The following MEMO1 variants were observed in gnomAD, a reference collection of about 807,000 sequenced individuals.
The protein encoded by MEMO1 is protein MEMO1.
A neutral mutation model predicts 45.2 loss-of-function variants in MEMO1; 6 were observed. That is an observed-to-expected ratio of 0.13 (90% confidence interval 0.07 to 0.26). The LOEUF is 0.26. MEMO1 is among the 10% of genes least tolerant of loss of function. MEMO1 has a pLI of 1.00. For synonymous variants in MEMO1, 78 were observed against 124.3 expected (o/e 0.63, Z 2.48); for missense variants, 184 against 370.5 (o/e 0.50, Z 4.13).
intron 2 of MEMO1, among the ~76,000 whole-genome samples, chr2:31,952,154 G>C (rs371411698): frequency 3.3e-4 from 50 of 152,008 alleles, no homozygotes; most frequent in African/African-American, 1.2e-3. Flanking sequence ...AATAAAAATC[G>C]CACTGTGAAA....
chr2:31,889,028 C>A (rs1482486795), intron 7 of MEMO1, among the ~76,000 whole-genome samples: 3 of 152,038 alleles, frequency 2.0e-5, no homozygotes, highest in Non-Finnish European at 2.9e-5. Context: ...ATAAAGAACA[C>A]TGGCTAACAA....
At position 31,898,162 on chromosome 2, in the gene MEMO1, C is replaced by A. The variant is rs542822320; in HGVS notation, c.438-6028G>T. 2.3e-4 allele frequency among the ~76,000 whole-genome samples: 35 copies of A among 152,032 alleles called. No homozygotes were observed. The Middle Eastern group carries it at 0.014, about 60-fold the overall frequency. ...CTGTTTCGTTAATCTTTTGAAAAAA[C>A]CAGCTCCTGGATTCAATGATTTTTT... On this transcript the variant is annotated intron_variant, in intron 6 of 9. Transcript: ENST00000404530.
chr2:31,888,796 T>C (rs1676535847), intron 7 of MEMO1, among the ~76,000 whole-genome samples: 1 of 152,002 alleles, frequency 6.6e-6, no homozygotes, highest in Admixed American at 6.6e-5. Flanking sequence ...AGGGTTTCTT[T>C]TTGGGGAACT....
chr2:31,930,049 C>T (rs544993828), intron 4 of MEMO1, among the ~76,000 whole-genome samples: 1 of 152,342 alleles, frequency 6.6e-6, no homozygotes, highest in South Asian at 2.1e-4. Flanking sequence ...CACCCGCAGT[C>T]AGGAATTTGA....
At chr2:31,997,881 C>A (rs1200267804) in intron 2 of MEMO1, among the ~76,000 whole-genome samples, 2 of 152,166 alleles carry the variant, frequency 1.3e-5, no homozygotes, top group Non-Finnish European at 2.9e-5. Flanking sequence ...AACTGGGCAA[C>A]CAGTAGGAAG....
intron 2 of MEMO1, among the ~76,000 whole-genome samples, chr2:31,976,205 TA>T (rs1669983243): frequency 6.6e-6 from 1 of 152,148 alleles, no homozygotes; most frequent in Non-Finnish European, 1.5e-5. Context: ...AGAAAAACAC[TA>T]ACAGCACAAA....
chr2:31,936,246 G>A (rs1664906256), intron 3 of MEMO1, among the ~76,000 whole-genome samples: 1 of 152,166 alleles, frequency 6.6e-6, no homozygotes, highest in African/African-American at 2.4e-5. Context: ...ACAGGCATGA[G>A]CCACCGCGCC....
At chr2:31,965,454 A>G (rs1401360193) in intron 2 of MEMO1, among the ~76,000 whole-genome samples, 2 of 152,164 alleles carry the variant, frequency 1.3e-5, no homozygotes, top group African/African-American at 4.8e-5. Context: ...AAATGGGGTA[A>G]ATGAGGGTTC....
At chr2:31,954,598 C>T (rs900927340) in intron 2 of MEMO1, among the ~76,000 whole-genome samples, 37 of 151,988 alleles carry the variant, frequency 2.4e-4, no homozygotes, top group African/African-American at 7.5e-4. Context: ...TTTGGGAGGC[C>T]GAGGCAGGCG....
chr2:31,979,067 T>C (rs532527488), intron 2 of MEMO1, among the ~76,000 whole-genome samples: 1 of 152,286 alleles, frequency 6.6e-6, no homozygotes, highest in East Asian at 1.9e-4. Context: ...CAGGTCCACA[T>C]GGCTGGGGAG....
At chr2:31,975,944 G>T (rs1669954580) in intron 2 of MEMO1, among the ~76,000 whole-genome samples, 2 of 151,964 alleles carry the variant, frequency 1.3e-5, no homozygotes, top group South Asian at 2.1e-4. Context: ...ACCCAGGCTG[G>T]AATACAGTGG....
At chr2:31,937,231 A>T (rs1665021697) in intron 3 of MEMO1, among the ~76,000 whole-genome samples, 1 of 152,190 alleles carries the variant, frequency 6.6e-6, no homozygotes, top group Non-Finnish European at 1.5e-5. Context: ...TCCAAGTTAG[A>T]TAGTTATTAT....
intron 2 of MEMO1, among the ~76,000 whole-genome samples, chr2:31,966,068 A>G (rs1271681496): frequency 6.6e-6 from 1 of 152,234 alleles, no homozygotes; most frequent in Non-Finnish European, 1.5e-5. Flanking sequence ...TATGTTTGCT[A>G]AAAGCCAACT....
chr2:31,994,514 C>T (rs984849913), intron 2 of MEMO1, among the ~76,000 whole-genome samples: 3 of 151,472 alleles, frequency 2.0e-5, no homozygotes, highest in Admixed American at 6.6e-5. Context: ...TCTGCAGTCC[C>T]GGCTACTCAG....
At chr2:31,890,142 G>T (rs1676749874) in intron 7 of MEMO1, among the ~76,000 whole-genome samples, 1 of 152,092 alleles carries the variant, frequency 6.6e-6, no homozygotes, top group Admixed American at 6.6e-5. Context: ...TAAAAAGGAT[G>T]ATTCCACAGA....
At chr2:31,870,275 C>T (rs1673502058) in intron 8 of MEMO1, among the ~76,000 whole-genome samples, 2 of 152,040 alleles carry the variant, frequency 1.3e-5, no homozygotes, top group South Asian at 4.1e-4. Flanking sequence ...ATCTTTCTTC[C>T]ATAGAAAGAA....
At chr2:31,902,580 C>G (rs1679025667) in intron 6 of MEMO1, among the ~76,000 whole-genome samples, 1 of 152,054 alleles carries the variant, frequency 6.6e-6, no homozygotes, top group Non-Finnish European at 1.5e-5. Context: ...ACAGAAAAAA[C>G]AGTTAATAAT....
chr2:31,965,153 T>C (rs1333049830), intron 2 of MEMO1, among the ~76,000 whole-genome samples: 2 of 150,608 alleles, frequency 1.3e-5, no homozygotes, highest in South Asian at 2.1e-4. Flanking sequence ...GCAGAGGTTA[T>C]AGTGAGCCAG....
At chr2:31,917,623 TAAAG>T (rs1427404457) in intron 6 of MEMO1, among the ~76,000 whole-genome samples, 1 of 152,238 alleles carries the variant, frequency 6.6e-6, no homozygotes, top group East Asian at 1.9e-4. Context: ...TATTCTGAGA[TAAAG>T]AAATGTCTAA....
Sources: allele counts gnomAD v4.1 joint callset (sites outside exome capture counted in the v4.1 genomes callset), GRCh38; gene constraint gnomAD v4.1.1; transcripts MANE v1.5; gene names NCBI Gene and HGNC (gene_info 2026-07-23, HGNC 2026-07-21).